MACROD2: variants seen among roughly 807,000 people sequenced by gnomAD.
MACROD2 encodes the protein ADP-ribose glycohydrolase MACROD2.
MACROD2 carries 36 observed loss-of-function variants against 70.4 expected under a neutral mutation model. The ratio of observed to expected loss-of-function variants is 0.51; its 90% CI spans 0.39 to 0.68. MACROD2 has a LOEUF of 0.68. Among genes scored for constraint, MACROD2 ranks in the 30% least tolerant of loss-of-function variants. The pLI is 0.00. For missense variants in MACROD2, 496 were observed against 538.4 expected (o/e 0.92, Z 0.78); for synonymous variants, 172 against 178.8 (o/e 0.96, Z 0.30).
At chr20:15,960,720 C>T (rs904552047) in intron 12 of MACROD2, among the ~76,000 whole-genome samples, 6 of 152,134 alleles carry the variant, frequency 3.9e-5, no homozygotes, top group African/African-American at 1.4e-4. Context: ...GTATTTATCT[C>T]CCAAATCCTT....
At chr20:15,354,256 A>G (rs1288607471) in intron 6 of MACROD2, among the ~76,000 whole-genome samples, 1 of 152,112 alleles carries the variant, frequency 6.6e-6, no homozygotes, top group East Asian at 1.9e-4. Context: ...AAGGACAAAA[A>G]ACCAAACACC....
chr20:14,530,219 C>T (rs931166069), intron 4 of MACROD2, among the ~76,000 whole-genome samples: 1 of 152,142 alleles, frequency 6.6e-6, no homozygotes, highest in Admixed American at 6.6e-5. Flanking sequence ...TGGTGTTTTG[C>T]AGCTTGTGGG....
intron 10 of MACROD2, among the ~76,000 whole-genome samples, chr20:15,919,177 C>A (rs796767071): frequency 6.6e-6 from 1 of 152,072 alleles, no homozygotes; most frequent in Admixed American, 6.6e-5. Flanking sequence ...GCAAATTGAC[C>A]GATTTGGCAG....
intron 4 of MACROD2, among the ~76,000 whole-genome samples, chr20:14,619,927 G>A (rs1983734387): frequency 6.6e-6 from 1 of 152,158 alleles, no homozygotes; most frequent in Admixed American, 6.5e-5. Context: ...GTTGCTAGTG[G>A]CCATCATGGG....
At position 15,375,227 on chromosome 20, in the gene MACROD2, A is replaced by ATAT. The variant is rs1224662492; in HGVS notation, c.541-56178_541-56177insTAT. On this transcript the variant is annotated intron_variant, in intron 6 of 17. Coordinates refer to ENST00000684519, the MANE Select transcript of MACROD2 (RefSeq NM_001351661.2). The stretch of plus-strand genomic sequence containing the variant: ...AGTAATTGGTCTACTCAGTAGCATA[A>ATAT]CACTTACTGACATAATAAAGTCATG... 2.0e-5 allele frequency among the ~76,000 whole-genome samples: 3 copies of ATAT among 152,210 alleles called. No individual in the cohort carries two copies. The East Asian group carries it at 5.8e-4, about 29-fold the overall frequency.
intron 8 of MACROD2, among the ~76,000 whole-genome samples, chr20:15,640,639 C>A (rs1042019703): frequency 6.6e-6 from 1 of 152,236 alleles, no homozygotes; most frequent in Non-Finnish European, 1.5e-5. Flanking sequence ...CAGGCTCTCC[C>A]CCATCCTCAG....
chr20:14,373,508 C>T (rs1222493416), intron 3 of MACROD2, among the ~76,000 whole-genome samples: 2 of 151,932 alleles, frequency 1.3e-5, no homozygotes, highest in Non-Finnish European at 2.9e-5. Context: ...AAAATATCAT[C>T]GTTTACTATT....
At chr20:15,443,601 G>A (rs1350300212) in intron 7 of MACROD2, among the ~76,000 whole-genome samples, 1 of 152,044 alleles carries the variant, frequency 6.6e-6, no homozygotes, top group Non-Finnish European at 1.5e-5. Flanking sequence ...TTGCGTTTTT[G>A]GTAAAATGCA....
intron 5 of MACROD2, among the ~76,000 whole-genome samples, chr20:15,048,756 G>A (rs1314616496): frequency 3.3e-5 from 5 of 152,046 alleles, no homozygotes; most frequent in African/African-American, 1.2e-4. Flanking sequence ...AAAGCATAAA[G>A]AAGGATAAAT....
At chr20:15,535,817 G>C (rs1391340317) in intron 8 of MACROD2, among the ~76,000 whole-genome samples, 1 of 152,170 alleles carries the variant, frequency 6.6e-6, no homozygotes, top group Non-Finnish European at 1.5e-5. Context: ...TTATGGATGA[G>C]AAATAAATTG....
At chr20:14,268,374 C>A (rs1042338309) in intron 3 of MACROD2, among the ~76,000 whole-genome samples, 2 of 152,080 alleles carry the variant, frequency 1.3e-5, no homozygotes, top group African/African-American at 2.4e-5. Flanking sequence ...TCACGCTTTG[C>A]CTTTTAATTT....
chr20:14,684,648 A>ACCACCCCCC (rs2070977501), intron 4 of MACROD2, among the ~76,000 whole-genome samples, 195 bp from the exon 5 acceptor site: 4 of 134,848 alleles, frequency 3.0e-5, no homozygotes, highest in Non-Finnish European at 6.7e-5. Context: ...ACATAACCTC[A>ACCACCCCCC]CCCCCCCCCC....
intron 3 of MACROD2, among the ~76,000 whole-genome samples, chr20:14,355,862 G>T (rs2083167357): frequency 6.6e-6 from 1 of 152,156 alleles, no homozygotes; most frequent in Non-Finnish European, 1.5e-5. Context: ...TATTGGGAGT[G>T]GAGAGGGCCC....
intron 5 of MACROD2, among the ~76,000 whole-genome samples, chr20:14,737,757 A>G (rs554327472): frequency 6.6e-6 from 1 of 152,226 alleles, no homozygotes; most frequent in East Asian, 1.9e-4. Flanking sequence ...GTTTTCTTTG[A>G]GAAGTGTCTG....
intron 5 of MACROD2, among the ~76,000 whole-genome samples, chr20:15,146,665 C>T (rs1458457378): frequency 9.2e-5 from 14 of 152,070 alleles, no homozygotes; most frequent in Admixed American, 9.2e-4. Context: ...CATCTCTTTT[C>T]CTGACTCCTT....
intron 4 of MACROD2, among the ~76,000 whole-genome samples, chr20:14,562,368 GCTT>G (rs1268766148): frequency 9.6e-6 from 1 of 104,584 alleles, no homozygotes; most frequent in Non-Finnish European, 2.6e-5. Context: ...CATGTAGCTT[GCTT>G]CTTCTTTTGA....
At chr20:15,289,670 T>G (rs2146104490) in intron 6 of MACROD2, among the ~76,000 whole-genome samples, 1 of 152,278 alleles carries the variant, frequency 6.6e-6, no homozygotes. Flanking sequence ...TTCTGTGAGA[T>G]TGGTGATATT....
At chr20:14,162,622 C>CT (rs1249366570) in intron 3 of MACROD2, among the ~76,000 whole-genome samples, 1 of 150,896 alleles carries the variant, frequency 6.6e-6, no homozygotes, top group African/African-American at 2.4e-5. Context: ...TAATGATGAC[C>CT]TTTTTTTTTC....
intron 3 of MACROD2, among the ~76,000 whole-genome samples, chr20:14,200,631 A>T (rs1207608938): frequency 3.9e-5 from 6 of 152,242 alleles, no homozygotes; most frequent in Admixed American, 2.0e-4. Flanking sequence ...TTTTAAAAAA[A>T]TTTAAGGCTG....
Sources: allele counts gnomAD v4.1 joint callset (sites outside exome capture counted in the v4.1 genomes callset), GRCh38; gene constraint gnomAD v4.1.1; transcripts MANE v1.5; gene names NCBI Gene and HGNC (gene_info 2026-07-23, HGNC 2026-07-21).